QPCTL: variants seen among roughly 807,000 people sequenced by gnomAD.
The protein encoded by QPCTL is glutaminyl-peptide cyclotransferase-like protein.
QPCTL carries 31 observed loss-of-function variants against 34.6 expected under a neutral mutation model. The ratio of observed to expected loss-of-function variants is 0.90; its 90% CI spans 0.67 to 1.21. The LOEUF is 1.21. Among genes scored for constraint, QPCTL ranks in the 50% most tolerant of loss-of-function variants. The pLI is 0.00. For synonymous variants in QPCTL, 223 were observed against 226.9 expected, an observed-to-expected ratio of 0.98 and a Z score of 0.15; for missense variants, 474 against 507.8, an observed-to-expected ratio of 0.93 and a Z score of 0.64.
intron 5 of QPCTL, 85 bp downstream of exon 5, chr19:45,698,985 C>A: frequency 1.8e-6 from 2 of 1,131,756 alleles, no homozygotes; most frequent in Non-Finnish European, 1.3e-6. Context: ...GGCACCTACA[C>A]TCTAAAGGCT....
chr19:45,698,953 G>C, intron 5 of QPCTL, 53 bp downstream of exon 5: 2 of 1,539,998 alleles, frequency 1.3e-6, no homozygotes, highest in Non-Finnish European at 1.8e-6. Flanking sequence ...TGGGGTACAG[G>C]GCGGTGGGCT....
In QPCTL at chr19:45,692,813, C is replaced by T; in HGVS notation, c.110C>T (p.Pro37Leu). The change falls in exon 1 of 7, where the codon CCT becomes CTT. Residue 37 changes from proline (P) to leucine (L), a missense_variant. Coordinates refer to ENST00000012049, the MANE Select transcript of QPCTL (RefSeq NM_017659.4). Reference sequence around the variant, plus strand: ...CTGCTACCGCGGGTTCGGCTCTTGCCTCTGTTGCTGGCGCTGGCCGTGGGC... The same window carrying T: ...CTGCTACCGCGGGTTCGGCTCTTGCTTCTGTTGCTGGCGCTGGCCGTGGGC... ...RRLLPRVRLL[P>L]LLLALAVGSA... 20 of 1,577,620 alleles carry T rather than the reference C, an allele frequency of 1.3e-5. No homozygotes were observed. Among genetic ancestry groups the T allele is most frequent in the Non-Finnish European group, 1.7e-5 (20 of 1,161,584 alleles).
intron 3 of QPCTL, among the ~76,000 whole-genome samples, chr19:45,697,445 A>G (rs1967721146): frequency 6.6e-6 from 1 of 150,788 alleles, no homozygotes; most frequent in African/African-American, 2.4e-5. Context: ...AAAAAGAAAG[A>G]AAAAAAAGAA....
chr19:45,695,765 C>G (rs5019216), intron 3 of QPCTL, 47 bp downstream of exon 3: 8 of 1,509,158 alleles, frequency 5.3e-6, no homozygotes, highest in Non-Finnish European at 7.1e-6. Flanking sequence ...TCCACCTTTT[C>G]CCAAGCCCCC....
chr19:45,698,983 C>A, intron 5 of QPCTL, 83 bp downstream of exon 5: 8 of 1,149,338 alleles, frequency 7.0e-6, no homozygotes, highest in South Asian at 1.3e-5. Flanking sequence ...CAGGCACCTA[C>A]ACTCTAAAGG....
Position 45,702,940 on chromosome 19 carries a change from C to T in QPCTL, c.1040C>T (p.Pro347Leu), listed in dbSNP as rs769130270. The T allele has an allele frequency of 8.1e-6, 13 of 1,614,016 alleles. No individual in the cohort carries two copies. Among genetic ancestry groups the T allele is most frequent in the Middle Eastern group, 1.6e-4 (1 of 6,084 alleles). Residue 347 changes from proline to leucine, a missense_variant, in exon 7 of 7, where the codon CCT becomes CTT. By Grantham distance (98) the Pro-to-Leu change is moderately conservative (BLOSUM62 -3). Transcript: ENST00000012049. ...PVLHLISTPF[P>L]AVWHTPADTE... ...CTCCATCTCATCTCCACGCCCTTCC[C>T]TGCTGTCTGGCACACCCCTGCGGAC...
At chr19:45,698,371 G>A in intron 3 of QPCTL, 176 bp from the exon 4 acceptor site, 1 of 727,922 alleles carries the variant, frequency 1.4e-6, no homozygotes, top group Non-Finnish European at 2.2e-6. Context: ...AAGCAGCCAA[G>A]TACGGATTTG....
intron 3 of QPCTL, among the ~76,000 whole-genome samples, chr19:45,697,903 T>C (rs987254781): frequency 6.6e-6 from 1 of 152,184 alleles, no homozygotes; most frequent in African/African-American, 2.4e-5. Context: ...TTTAGTTATA[T>C]GCCAGGCACT....
chr19:45,694,416 A>G (rs920568018), intron 2 of QPCTL, among the ~76,000 whole-genome samples: 3 of 152,008 alleles, frequency 2.0e-5, no homozygotes, highest in East Asian at 1.9e-4. Context: ...CTGAGTCCCA[A>G]TGCTACCTCA....
intron 6 of QPCTL, among the ~76,000 whole-genome samples, 195 bp downstream of exon 6, chr19:45,702,109 C>A (rs563734004): frequency 6.6e-6 from 1 of 152,198 alleles, no homozygotes; most frequent in South Asian, 2.1e-4. Flanking sequence ...CATGCTAACA[C>A]CGGTAAAGAC....
rs373721787 is a variant in QPCTL at position 45,703,050 on chromosome 19, C to T, written c.*1C>T. On this transcript the variant is annotated 3_prime_UTR_variant, in exon 7 of 7. Coordinates refer to ENST00000012049, the MANE Select transcript of QPCTL (RefSeq NM_017659.4). ...CCTGGCTGAATACCTGGGGCTCTAG[C>T]GTGCTTGGCCAATGACTGTGGAGAG... 3.1e-6 allele frequency: 5 copies of T among 1,614,026 alleles called. No individual in the cohort carries two copies. Among genetic ancestry groups the T allele is most frequent in the South Asian group, 1.1e-5 (1 of 91,086 alleles).
chr19:45,700,035 A>G (rs1641448001), intron 5 of QPCTL, among the ~76,000 whole-genome samples: 1 of 151,818 alleles, frequency 6.6e-6, no homozygotes, highest in Non-Finnish European at 1.5e-5. Flanking sequence ...TGGGAGGTCG[A>G]GGCTGCAGTA....
chr19:45,698,471 G>T (rs938227363), intron 3 of QPCTL, 76 bp from the exon 4 acceptor site: 2 of 1,560,240 alleles, frequency 1.3e-6, no homozygotes, highest in Admixed American at 1.8e-5. Flanking sequence ...CATGCAAGCG[G>T]GCAAGAAGTG....
intron 5 of QPCTL, among the ~76,000 whole-genome samples, chr19:45,700,778 G>T (rs1230321193): frequency 3.3e-5 from 5 of 151,930 alleles, no homozygotes; most frequent in Non-Finnish European, 7.4e-5. Flanking sequence ...GGCCAATATG[G>T]TGAAACCCCA....
At chr19:45,695,810 G>A (rs929979139) in intron 3 of QPCTL, 92 bp downstream of exon 3, 81 of 1,390,518 alleles carry the variant, frequency 5.8e-5, no homozygotes, top group Admixed American at 1.9e-4. Context: ...CATCCCTCTC[G>A]TCTTCCCACT....
intron 2 of QPCTL, 105 bp from the exon 3 acceptor site, chr19:45,695,332 G>A (rs1446113865): frequency 3.9e-6 from 4 of 1,017,388 alleles, no homozygotes; most frequent in East Asian, 2.4e-5. Context: ...TCAGAGTGGG[G>A]CTTTAGTGTC....
rs768521514 is a variant in QPCTL, at chr19:45,703,095, C to T, written c.*46C>T. On this transcript the variant is annotated 3_prime_UTR_variant, in exon 7 of 7. Transcript: ENST00000012049. ...GGAGAGGACTGTGAGAGAGAAGGTC[C>T]CAGCGGGGGCCAGTGAAGCTCAGGC... The T allele has an allele frequency of 6.2e-7, 1 of 1,608,726 alleles. No individual in the cohort carries two copies. Among genetic ancestry groups the T allele is most frequent in the South Asian group, 1.1e-5 (1 of 90,814 alleles).
chr19:45,702,862 T>C, intron 6 of QPCTL, 42 bp from the exon 7 acceptor site: 3 of 1,611,936 alleles, frequency 1.9e-6, no homozygotes, highest in Non-Finnish European at 2.5e-6. Context: ...TGGGTTGTGG[T>C]GGGCTGCAGT....
At chr19:45,698,129 G>T (rs974270283) in intron 3 of QPCTL, among the ~76,000 whole-genome samples, 1 of 152,034 alleles carries the variant, frequency 6.6e-6, no homozygotes, top group Non-Finnish European at 1.5e-5. Context: ...TGTGGTCACA[G>T]CTGTATGGGA....
Sources: allele counts gnomAD v4.1 joint callset (sites outside exome capture counted in the v4.1 genomes callset), GRCh38; gene constraint gnomAD v4.1.1; transcripts MANE v1.5; gene names NCBI Gene and HGNC (gene_info 2026-07-23, HGNC 2026-07-21).